FANCD2: variants seen among roughly 807,000 people sequenced by gnomAD.
The protein encoded by FANCD2 is Fanconi anemia group D2 protein.
A neutral mutation model predicts 192.3 loss-of-function variants in FANCD2; 131 were observed. That is an observed-to-expected ratio of 0.68 (90% CI 0.59 to 0.79). The LOEUF is 0.79. FANCD2 is among the 30% of genes least tolerant of loss of function. The pLI is 0.00. For synonymous variants in FANCD2, 524 were observed against 612.5 expected, an observed-to-expected ratio of 0.86 and a Z score of 2.13; for missense variants, 1,508 against 1,701.6, an observed-to-expected ratio of 0.89 and a Z score of 2.00.
chr3:10,041,214 C>CA (rs780654495), intron 9 of FANCD2: 756 of 212,246 alleles, frequency 3.6e-3, no homozygotes, highest in South Asian at 7.8e-3. Flanking sequence ...AACAAACAAA[C>CA]AAAAAAAAAA....
chr3:10,085,075 TAGG>T (rs1348378239), intron 32 of FANCD2, among the ~76,000 whole-genome samples: 4 of 152,144 alleles, frequency 2.6e-5, no homozygotes, highest in Non-Finnish European at 5.9e-5. Context: ...CTCATTAATG[TAGG>T]AGAAGGGGTA....
intron 37 of FANCD2, 144 bp downstream of exon 37, chr3:10,090,529 G>A (rs370370618): frequency 2.3e-4 from 132 of 574,254 alleles, no homozygotes; most frequent in East Asian, 1.2e-3. Flanking sequence ...GCATGATCTC[G>A]GCTCACTGCA....
In FANCD2 at chr3:10,084,009, T is replaced by A. The variant is rs574018021; in HGVS notation, c.3225-1803T>A. Among the ~76,000 whole-genome samples, 15 of 151,700 alleles carry A rather than the reference T, an allele frequency of 9.9e-5. No individual in the cohort carries two copies. The East Asian group carries it at 2.5e-3, about 26-fold the overall frequency. ...TGTTTCCCATGCTTTTGTGTGTGTGTGAGAGACAGAGTCTCACTCTGTCGC... is the reference window on the plus strand; with the variant it reads ...TGTTTCCCATGCTTTTGTGTGTGTGAGAGAGACAGAGTCTCACTCTGTCGC... On this transcript the variant is annotated intron_variant, in intron 32 of 43. Coordinates refer to ENST00000675286, the MANE Select transcript of FANCD2 (RefSeq NM_001018115.3).
At chr3:10,042,224 T>G (rs772173673) in intron 10 of FANCD2, among the ~76,000 whole-genome samples, 149 of 152,248 alleles carry the variant, frequency 9.8e-4, no homozygotes, top group Non-Finnish European at 1.8e-3. Flanking sequence ...CAGTAAGTTT[T>G]GAGTGGAAAT....
At chr3:10,084,182 C>T (rs1217207044) in intron 32 of FANCD2, among the ~76,000 whole-genome samples, 2 of 151,816 alleles carry the variant, frequency 1.3e-5, no homozygotes, top group Admixed American at 1.3e-4. Context: ...TTAGTAGAGA[C>T]GGGGTTTCAC....
chr3:10,055,431 G>C (rs556589395), intron 18 of FANCD2, among the ~76,000 whole-genome samples: 1 of 151,886 alleles, frequency 6.6e-6, no homozygotes, highest in Non-Finnish European at 1.5e-5. Context: ...ATCCTTTTGC[G>C]TCTCGCTTAT....
At chr3:10,069,876 G>T (rs1331800876) in intron 26 of FANCD2, among the ~76,000 whole-genome samples, 1 of 151,942 alleles carries the variant, frequency 6.6e-6, no homozygotes, top group Non-Finnish European at 1.5e-5. Context: ...CCTCTGCCCG[G>T]CCGCCACCCC....
At chr3:10,040,714 T>G in intron 9 of FANCD2, 1 of 362,124 alleles carries the variant, frequency 2.8e-6, no homozygotes, top group East Asian at 7.6e-5. Context: ...AGTATTTTTT[T>G]TAAATTCAGT....
chr3:10,067,639 C>T lies in FANCD2; in HGVS notation c.2494+322C>T, dbSNP rs1234528726. ...ATGGTGAAACCCTGTTTGTACTAAA[C>T]ATACAAAAATTAGCCAGGCGTGGTT... On this transcript the variant is annotated intron_variant, in intron 26 of 43. Coordinates refer to ENST00000675286, the MANE Select transcript of FANCD2 (RefSeq NM_001018115.3). Among the ~76,000 whole-genome samples the T allele has an allele frequency of 6.6e-5, 10 of 151,998 alleles. 1 individual carries two copies. The highest frequency in any genetic ancestry group is 1.3e-4 in the Non-Finnish European group (9 of 67,984).
At position 10,041,623 on chromosome 3, in the gene FANCD2, T is replaced by C. The variant is rs147015204; in HGVS notation, c.696T>C (p.Ser232=). The change falls in exon 10 of 44, where the codon AGT becomes AGC. Residue 232 remains serine, a splice_region_variant and synonymous_variant. Transcript: ENST00000675286. The part of the protein sequence containing the change: ...SQHADVGKEL[S]DLLIENTSLT... ...TTTTTTCTTTTTCTACCATTCACAGTGACCTACTGATAGAGAATACTTCAC... is the reference window on the plus strand; with the variant it reads ...TTTTTTCTTTTTCTACCATTCACAGCGACCTACTGATAGAGAATACTTCAC... 3 of 1,610,506 alleles carry C rather than the reference T, an allele frequency of 1.9e-6. No homozygotes were observed. In the African/African-American group the frequency reaches 4.0e-5, roughly 22 times the overall value.
At chr3:10,044,134 A>T (rs564387320) in intron 14 of FANCD2, among the ~76,000 whole-genome samples, 1 of 152,364 alleles carries the variant, frequency 6.6e-6, no homozygotes, top group South Asian at 2.1e-4. Context: ...ATCAAGGTGC[A>T]GTCAAAGAAG....
At chr3:10,098,393 T>G (rs1695104522) in intron 42 of FANCD2, among the ~76,000 whole-genome samples, 1 of 152,164 alleles carries the variant, frequency 6.6e-6, no homozygotes, top group Non-Finnish European at 1.5e-5. Flanking sequence ...TTAGATACCT[T>G]AAGGTATTTG....
intron 9 of FANCD2, chr3:10,041,035 C>T (rs2086851434): frequency 6.1e-6 from 1 of 164,416 alleles, no homozygotes; most frequent in African/African-American, 2.4e-5. Flanking sequence ...CTTTCAAAAA[C>T]ATACAAAAAT....
rs189346903 is a variant in FANCD2, at chr3:10,062,755, G to A, written c.1827+544G>A. Reference sequence around the variant, plus strand: ...GATGGAGTCTCAACTCTGTCGCCAAGGCTGGAGTGCGGTGGTGCTTCCCGG... The same window carrying A: ...GATGGAGTCTCAACTCTGTCGCCAAAGCTGGAGTGCGGTGGTGCTTCCCGG... On this transcript the variant is annotated intron_variant, in intron 20 of 43. Transcript: ENST00000675286. Among the ~76,000 whole-genome samples, 3 of 151,948 alleles carry A rather than the reference G, an allele frequency of 2.0e-5. No individual in the cohort carries two copies. The East Asian group carries it at 5.8e-4, about 30-fold the overall frequency.
At position 10,074,676 on chromosome 3, in the gene FANCD2, A is replaced by G; in HGVS notation, c.2859+3A>G. The G allele has an allele frequency of 6.2e-7, 1 of 1,613,530 alleles. No individual in the cohort carries two copies. The highest frequency in any genetic ancestry group is 8.5e-7 in the Non-Finnish European group (1 of 1,179,658). On this transcript the variant is annotated splice_donor_region_variant and intron_variant, in intron 29 of 43. Coordinates refer to ENST00000675286, the MANE Select transcript of FANCD2 (RefSeq NM_001018115.3). ...TAGATACTGAAATGCACACTGAAGT[A>G]AGTGACAGGCTAGGATCTCAGAATT...
intron 28 of FANCD2, 65 bp downstream of exon 28, chr3:10,073,427 T>G (rs922892130): frequency 3.2e-6 from 4 of 1,233,144 alleles, no homozygotes; most frequent in Non-Finnish European, 3.6e-6. Context: ...GAAACCCAGC[T>G]TTATTCTCGG....
intron 7 of FANCD2, among the ~76,000 whole-genome samples, chr3:10,038,235 G>T (rs564246338): frequency 6.6e-6 from 1 of 152,248 alleles, no homozygotes; most frequent in South Asian, 2.1e-4. Flanking sequence ...CAAGTGATCT[G>T]CTTGCCTCAG....
At chr3:10,068,019 G>C (rs749325183) in intron 26 of FANCD2, among the ~76,000 whole-genome samples, 1 of 152,134 alleles carries the variant, frequency 6.6e-6, no homozygotes, top group South Asian at 2.1e-4. Context: ...TAGATCCATA[G>C]CTACTATTAA....
At chr3:10,031,032 A>G (rs2086579135) in intron 2 of FANCD2, among the ~76,000 whole-genome samples, 1 of 152,228 alleles carries the variant, frequency 6.6e-6, no homozygotes, top group Non-Finnish European at 1.5e-5. Context: ...AGTAAATGTT[A>G]TACTTTGGAA....
Sources: gnomAD v4.1 joint callset for allele counts (sites outside exome capture counted in the v4.1 genomes callset) on GRCh38, gnomAD v4.1.1 for gene constraint, MANE v1.5 for transcripts, NCBI Gene and HGNC (gene_info 2026-07-23, HGNC 2026-07-21) for gene names.